NBEA: variants seen among roughly 807,000 people sequenced by gnomAD.
NBEA encodes neurobeachin.
NBEA carries 44 observed loss-of-function variants against 343.4 expected under a neutral mutation model. That is an observed-to-expected ratio of 0.13 (90% CI 0.10 to 0.16). The LOEUF is 0.16. Among genes scored for constraint, NBEA ranks in the 10% least tolerant of loss-of-function variants. The pLI, the probability that NBEA is intolerant of heterozygous loss-of-function variation, is 1.00. For synonymous variants in NBEA, 1,175 were observed against 1,238.7 expected, an observed-to-expected ratio of 0.95 and a Z score of 1.08; for missense variants, 2,555 against 3,631.3, an observed-to-expected ratio of 0.70 and a Z score of 7.62.
At chr13:35,621,257 C>T (rs2082977762) in intron 48 of NBEA, among the ~76,000 whole-genome samples, 1 of 152,160 alleles carries the variant, frequency 6.6e-6, no homozygotes, top group Non-Finnish European at 1.5e-5. Flanking sequence ...TTTGTCACAG[C>T]ATCCCAGGGC....
rs200565255 is a variant in NBEA, at chr13:35,196,049, T to A, written c.5113T>A (p.Ser1705Thr). ...TGPDAMSELL[S>T]TLSSEVKKSQ... is the part of the protein sequence containing the mutation. ...CCCTGATGCCATGAGTGAACTCTTA[T>A]CCACTTTGTCATCCGAAGTGAAGAA... The change falls in exon 31 of 59, where the codon TCC (serine) becomes ACC (threonine). Residue 1705 changes from serine to threonine, a missense_variant. By Grantham distance (58) the Ser-to-Thr change is moderately conservative. Around this residue, in one of 21 missense-constraint regions of NBEA, gnomAD observed 270 missense variants for 293.3 expected, o/e 0.92. Transcript: ENST00000379939. 1 of 1,613,668 alleles carries A rather than the reference T, an allele frequency of 6.2e-7. No homozygotes were observed. The highest frequency in any genetic ancestry group is 1.3e-5 in the African/African-American group (1 of 75,024).
intron 41 of NBEA, among the ~76,000 whole-genome samples, chr13:35,495,301 G>C (rs1392018323): frequency 1.3e-5 from 2 of 151,874 alleles, no homozygotes; most frequent in African/African-American, 4.8e-5. Context: ...AATCAAAAAA[G>C]ATTAGCTTAT....
chr13:35,251,586 G>T, intron 34 of NBEA: 1 of 1,217,496 alleles, frequency 8.2e-7, no homozygotes, highest in African/African-American at 1.6e-5. Flanking sequence ...CAGAAGCAGT[G>T]GAAGCCAAAC....
Position 35,047,159 on chromosome 13 carries a change from A to C in NBEA, c.724-1404A>C, listed in dbSNP as rs142118825. ...GCCTGAACTAATTGCTTAAATACTA[A>C]AATCCGAAAGGTTAGTATAGGGTTT... On this transcript the variant is annotated intron_variant, in intron 4 of 58. Transcript: ENST00000379939. Among the ~76,000 whole-genome samples the C allele has an allele frequency of 2.0e-5, 3 of 152,052 alleles. No homozygotes were observed. The East Asian group carries it at 5.8e-4, about 29-fold the overall frequency.
intron 30 of NBEA, among the ~76,000 whole-genome samples, chr13:35,187,843 C>G (rs987641535): frequency 1.3e-5 from 2 of 152,116 alleles, no homozygotes; most frequent in Non-Finnish European, 2.9e-5. Context: ...CTTTTGCTCA[C>G]TATGAAACCA....
chr13:35,200,070 C>A (rs1459200413), intron 31 of NBEA, among the ~76,000 whole-genome samples: 1 of 151,924 alleles, frequency 6.6e-6, no homozygotes, highest in East Asian at 1.9e-4. Flanking sequence ...TTTCAAAGTT[C>A]TGTTACTGTG....
At chr13:35,477,723 A>G (rs2075939807) in intron 41 of NBEA, among the ~76,000 whole-genome samples, 1 of 152,200 alleles carries the variant, frequency 6.6e-6, no homozygotes, top group Non-Finnish European at 1.5e-5. Context: ...TTCTAATTTT[A>G]TACTATTTCG....
chr13:35,173,444 GT>G lies in NBEA; in HGVS notation c.4424-15del. 6.4e-7 allele frequency: 1 copy of G among 1,562,764 alleles called. No individual in the cohort carries two copies. The highest frequency in any genetic ancestry group is 8.7e-7 in the Non-Finnish European group (1 of 1,151,346). ...AGTCAACAATTTATATTAACAATATGTTTTTGAATTTTTAAATAGTTTGTTG... is the reference window on the plus strand; with the variant it reads ...AGTCAACAATTTATATTAACAATATGTTTTGAATTTTTAAATAGTTTGTTG... On this transcript the variant is annotated intron_variant, in intron 26 of 58. Coordinates refer to ENST00000379939, the MANE Select transcript of NBEA (RefSeq NM_001385012.1).
At chr13:35,092,576 G>C (rs1314194823) in intron 10 of NBEA, among the ~76,000 whole-genome samples, 3 of 151,918 alleles carry the variant, frequency 2.0e-5, no homozygotes, top group African/African-American at 7.2e-5. Flanking sequence ...TTACCAAAGA[G>C]AATATAAGGA....
chr13:35,312,588 G>A (rs2037442218), intron 36 of NBEA, among the ~76,000 whole-genome samples: 1 of 152,194 alleles, frequency 6.6e-6, no homozygotes, highest in South Asian at 2.1e-4. Flanking sequence ...AATGTGGAGG[G>A]TTTCACGGGC....
At chr13:35,573,685 A>G (rs770572455) in intron 45 of NBEA, among the ~76,000 whole-genome samples, 3 of 152,160 alleles carry the variant, frequency 2.0e-5, no homozygotes, top group Non-Finnish European at 2.9e-5. Context: ...AAAAAATCCT[A>G]TAGAGCCTGT....
At chr13:35,033,873 A>T (rs1387637446) in intron 1 of NBEA, among the ~76,000 whole-genome samples, 1 of 151,558 alleles carries the variant, frequency 6.6e-6, no homozygotes, top group African/African-American at 2.4e-5. Flanking sequence ...AACTTTACTG[A>T]ATTTGTTTAT....
At chr13:35,151,491 C>T (rs992248433) in intron 18 of NBEA, among the ~76,000 whole-genome samples, 18 of 145,214 alleles carry the variant, frequency 1.2e-4, no homozygotes, top group Non-Finnish European at 2.5e-4. Context: ...TGCGGTGAGC[C>T]GAGATTATGC....
chr13:35,093,017 G>A (rs1040814526), intron 10 of NBEA, among the ~76,000 whole-genome samples: 2 of 151,998 alleles, frequency 1.3e-5, no homozygotes, highest in African/African-American at 4.8e-5. Flanking sequence ...GAATGGACTC[G>A]ATGTATGTAC....
At chr13:35,052,671 T>A (rs1373242284) in intron 6 of NBEA, among the ~76,000 whole-genome samples, 1 of 151,882 alleles carries the variant, frequency 6.6e-6, no homozygotes, top group Non-Finnish European at 1.5e-5. Context: ...CTTTTTTTTT[T>A]AACCATTGAA....
intron 38 of NBEA, among the ~76,000 whole-genome samples, chr13:35,376,424 A>T (rs2041745766): frequency 6.6e-6 from 1 of 152,096 alleles, no homozygotes; most frequent in South Asian, 2.1e-4. Flanking sequence ...ATTTTTTCTT[A>T]CTTAGAACTA....
intron 41 of NBEA, among the ~76,000 whole-genome samples, chr13:35,509,107 G>A (rs578126488): frequency 1.3e-4 from 20 of 152,314 alleles, no homozygotes; most frequent in Admixed American, 5.9e-4. Context: ...TGTGTCTCTT[G>A]TCTGACCTGT....
At position 35,157,123 on chromosome 13, in the gene NBEA, T is replaced by A; in HGVS notation, c.2697T>A (p.Leu899=). The change falls in exon 21 of 59, where the codon CTT becomes CTA. Residue 899 remains leucine, a synonymous_variant. Transcript: ENST00000379939. ...TGTGGCAGGATTGGATGTTTTCTCT[T>A]GGCTATATCAATCCTAAAAATTCTG... The part of the protein sequence containing the change: ...CSVWQDWMFS[L]GYINPKNSEE... 6.2e-7 allele frequency: 1 copy of A among 1,606,282 alleles called. No individual in the cohort carries two copies. The highest frequency in any genetic ancestry group is 8.5e-7 in the Non-Finnish European group (1 of 1,176,080).
At chr13:35,022,268 A>G (rs150849587) in intron 1 of NBEA, among the ~76,000 whole-genome samples, 14 of 152,218 alleles carry the variant, frequency 9.2e-5, no homozygotes, top group African/African-American at 3.4e-4. Flanking sequence ...GTTGCTTTAA[A>G]TATATTTGAA....
Sources: allele counts gnomAD v4.1 joint callset (sites outside exome capture counted in the v4.1 genomes callset), GRCh38; gene constraint gnomAD v4.1.1; regional missense constraint gnomAD v4.1.1; transcripts MANE v1.5; gene names NCBI Gene and HGNC (gene_info 2026-07-23, HGNC 2026-07-21).